TUSC3: variants seen among roughly 807,000 people sequenced by gnomAD.
TUSC3 encodes the protein dolichyl-diphosphooligosaccharide--protein glycosyltransferase subunit TUSC3.
In TUSC3, 45 loss-of-function variants were observed where a neutral mutation model predicts 44.8. The ratio of observed to expected loss-of-function variants is 1.00; its 90% confidence interval spans 0.79 to 1.29. TUSC3 has a LOEUF of 1.29. Among genes scored for constraint, TUSC3 ranks in the 50% most tolerant of loss-of-function variants. The pLI is 0.00. For synonymous variants in TUSC3, 212 were observed against 152.9 expected, an observed-to-expected ratio of 1.39 and a Z score of -2.85; for missense variants, 519 against 437.9, an observed-to-expected ratio of 1.19 and a Z score of -1.65.
At chr8:15,659,068 G>C (rs1350555188) in intron 3 of TUSC3, among the ~76,000 whole-genome samples, 1 of 152,136 alleles carries the variant, frequency 6.6e-6, no homozygotes, top group East Asian at 1.9e-4. Context: ...TAACTTGTTG[G>C]AAATTAATTC....
the TUSC3 span, among the ~76,000 whole-genome samples, chr8:15,820,578 A>T: frequency 1.3e-5 from 2 of 152,102 alleles, no homozygotes; most frequent in Non-Finnish European, 1.5e-5. Context: ...TCAGCCTCCC[A>T]ACGTGCTGGG....
chr8:15,736,993 A>G (rs1299476821), intron 7 of TUSC3, among the ~76,000 whole-genome samples: 1 of 152,172 alleles, frequency 6.6e-6, no homozygotes, highest in Non-Finnish European at 1.5e-5. Context: ...TATTTATATA[A>G]AAGTAAAGGT....
intron 2 of TUSC3, among the ~76,000 whole-genome samples, chr8:15,525,169 C>T (rs1038107683): frequency 2.6e-5 from 4 of 152,190 alleles, no homozygotes; most frequent in Non-Finnish European, 4.4e-5. Context: ...CTGGTGCCCA[C>T]GTATATATGC....
At chr8:15,519,121 A>G (rs964505690) in intron 2 of TUSC3, among the ~76,000 whole-genome samples, 8 of 152,188 alleles carry the variant, frequency 5.3e-5, no homozygotes, top group Non-Finnish European at 1.2e-4. Flanking sequence ...ACTGACATTA[A>G]GATTTATTAC....
chr8:15,473,630 A>G (rs1042618641), intron 1 of TUSC3, among the ~76,000 whole-genome samples: 3 of 152,216 alleles, frequency 2.0e-5, no homozygotes, highest in South Asian at 4.1e-4. Context: ...GTGACATCAT[A>G]TATCGGCAGG....
At chr8:15,689,859 T>TGTGC (rs1554475579) in intron 6 of TUSC3, among the ~76,000 whole-genome samples, 8 of 51,678 alleles carry the variant, frequency 1.5e-4, no homozygotes, top group Non-Finnish European at 3.4e-4. Context: ...TGTGTGTGTG[T>TGTGC]GTGTATAAAT....
chr8:15,462,509 G>A (rs769833529), intron 1 of TUSC3, among the ~76,000 whole-genome samples: 3 of 151,898 alleles, frequency 2.0e-5, no homozygotes, highest in Admixed American at 2.0e-4. Context: ...TCTACACAAC[G>A]ACTGCCTGTT....
chr8:15,612,860 A>C (rs1323705774), intron 1 of TUSC3, among the ~76,000 whole-genome samples: 1 of 152,054 alleles, frequency 6.6e-6, no homozygotes, highest in African/African-American at 2.4e-5. Flanking sequence ...TAAGAGACAA[A>C]GCCAACCGAT....
At chr8:15,676,390 G>A (rs1320177788) in intron 6 of TUSC3, among the ~76,000 whole-genome samples, 1 of 152,108 alleles carries the variant, frequency 6.6e-6, no homozygotes, top group Non-Finnish European at 1.5e-5. Flanking sequence ...CAGGTACATA[G>A]TTTGTAAATG....
chr8:15,698,533 T>G (rs1055985206), intron 6 of TUSC3, among the ~76,000 whole-genome samples: 4 of 152,188 alleles, frequency 2.6e-5, no homozygotes, highest in African/African-American at 9.6e-5. Flanking sequence ...GCCTCAAACC[T>G]CATTTATGGT....
chr8:15,638,052 C>G (rs1259544783), intron 2 of TUSC3, among the ~76,000 whole-genome samples: 1 of 152,108 alleles, frequency 6.6e-6, no homozygotes, highest in African/African-American at 2.4e-5. Flanking sequence ...TTCCAAGCCC[C>G]TTTCTTTATG....
intron 1 of TUSC3, among the ~76,000 whole-genome samples, chr8:15,593,247 G>A (rs1803929025): frequency 6.6e-6 from 1 of 151,886 alleles, no homozygotes; most frequent in Non-Finnish European, 1.5e-5. Flanking sequence ...CACCACACCT[G>A]GCTAATTTTT....
the TUSC3 span, among the ~76,000 whole-genome samples, chr8:15,787,830 A>G: frequency 1.8e-4 from 27 of 152,238 alleles, no homozygotes; most frequent in Admixed American, 3.3e-4. Flanking sequence ...CCCATTCTTC[A>G]AAGAATTAAC....
chr8:15,775,522 C>G, the TUSC3 span, among the ~76,000 whole-genome samples: 3 of 151,810 alleles, frequency 2.0e-5, no homozygotes, highest in Non-Finnish European at 2.9e-5. Context: ...TTTTAACAAC[C>G]TACTAATGCT....
At chr8:15,616,117 T>G (rs947062253) in intron 1 of TUSC3, among the ~76,000 whole-genome samples, 1 of 152,164 alleles carries the variant, frequency 6.6e-6, no homozygotes, top group Non-Finnish European at 1.5e-5. Flanking sequence ...GATAATTTAG[T>G]GTGGTATAGG....
intron 1 of TUSC3, among the ~76,000 whole-genome samples, chr8:15,436,169 A>G (rs1020693288): frequency 6.6e-6 from 1 of 152,200 alleles, no homozygotes; most frequent in African/African-American, 2.4e-5. Context: ...TCCCTCAAAG[A>G]GAGTGGTCTG....
the TUSC3 span, among the ~76,000 whole-genome samples, chr8:15,782,378 G>A: frequency 6.6e-6 from 1 of 152,086 alleles, no homozygotes; most frequent in African/African-American, 2.4e-5. Context: ...ACTTGTAAGG[G>A]TGAGGCAGGA....
At chr8:15,779,699 C>T in the TUSC3 span, among the ~76,000 whole-genome samples, 6 of 152,144 alleles carry the variant, frequency 3.9e-5, no homozygotes, top group South Asian at 2.1e-4. Context: ...TTTTTAATTG[C>T]GTGTTTTTAA....
chr8:15,476,050 G>A (rs1194499492), intron 1 of TUSC3, among the ~76,000 whole-genome samples: 1 of 152,208 alleles, frequency 6.6e-6, no homozygotes, highest in South Asian at 2.1e-4. Flanking sequence ...TTCCTTGTTT[G>A]CTCCTACTTA....
Sources: allele counts gnomAD v4.1 joint callset (sites outside exome capture counted in the v4.1 genomes callset), GRCh38; gene constraint gnomAD v4.1.1; transcripts MANE v1.5; gene names NCBI Gene and HGNC (gene_info 2026-07-23, HGNC 2026-07-21).